CTSV: variants seen among roughly 807,000 people sequenced by gnomAD.
CTSV encodes the protein cathepsin L2.
CTSV carries 33 observed loss-of-function variants against 35.6 expected under a neutral mutation model. The observed-to-expected ratio is 0.93, with a 90% CI of 0.70 to 1.24. CTSV has a LOEUF of 1.24. CTSV is among the 50% of genes most tolerant of loss of function. The pLI is 0.00. For synonymous variants in CTSV, 154 were observed against 147.1 expected (o/e 1.05, Z -0.34); for missense variants, 408 against 413.1 (o/e 0.99, Z 0.11).
Position 97,032,110 on chromosome 9 carries a change from T to C in CTSV, c.*839A>G, listed in dbSNP as rs1828755495. ...CTAAAAAGTCAACTGCTTTCTTCTT[T>C]ACTAAAACAATTTAGGGGCTGGGCG... On this transcript the variant is annotated 3_prime_UTR_variant, in exon 8 of 8. Transcript: ENST00000259470. The C allele has an allele frequency of 6.6e-6, 1 of 152,224 alleles. No homozygotes were observed. The highest frequency in any genetic ancestry group is 1.5e-5 in the Non-Finnish European group (1 of 68,044). 9.4% of individuals were successfully genotyped at this position (152,224 alleles called of 1,614,324 possible).
At chr9:97,035,914 T>C (rs1332690541) in intron 5 of CTSV, among the ~76,000 whole-genome samples, 1 of 152,150 alleles carries the variant, frequency 6.6e-6, no homozygotes, top group East Asian at 1.9e-4. Context: ...CCATAAAAAA[T>C]TTTTCACAAT....
At position 97,030,475 on chromosome 9, in the gene CTSV, G is replaced by A. The variant is rs1156558357; in HGVS notation, c.*2474C>T. 1 of 152,128 alleles carries A rather than the reference G, an allele frequency of 6.6e-6. No homozygotes were observed. The highest frequency in any genetic ancestry group is 1.9e-4 in the East Asian group (1 of 5,196). The allele number at this position is 152,128 out of a possible 1,614,324, so 9.4% of individuals were successfully genotyped here. A position where few individuals can be genotyped will look rare whatever the true frequency, so the allele number is the denominator to read the frequency against. On this transcript the variant is annotated 3_prime_UTR_variant, in exon 8 of 8. Coordinates refer to ENST00000259470, the MANE Select transcript of CTSV (RefSeq NM_001333.4). Reference sequence around the variant, plus strand: ...TTGGTCATGGAGACCCTAACCCAGAGGCGCTAGAGAAATTAAAGACACACA... The same window carrying A: ...TTGGTCATGGAGACCCTAACCCAGAAGCGCTAGAGAAATTAAAGACACACA...
intron 4 of CTSV, 55 bp from the exon 5 acceptor site, chr9:97,036,802 A>T: frequency 7.4e-7 from 1 of 1,356,746 alleles, no homozygotes; most frequent in East Asian, 2.3e-5. Flanking sequence ...CAAATACAGT[A>T]CCCCATAATT....
rs143885421 is a variant in CTSV at position 97,037,754 on chromosome 9, C to T, written c.127-139G>A. The T allele has an allele frequency of 5.7e-6, 8 of 1,409,962 alleles. 1 individual carries two copies. In the African/African-American group the frequency reaches 8.5e-5, roughly 15 times the overall value. 87.3% of individuals were successfully genotyped at this position (1,409,962 alleles called of 1,614,324 possible). On this transcript the variant is annotated intron_variant, in intron 2 of 7. Transcript: ENST00000259470. ...CTTCTCTGGGAGCTGTTCTCCAAGC[C>T]AAGACACAATGGAGATATATGCCCA...
rs931092910 is a variant in CTSV, at chr9:97,031,635, C to T, written c.*1314G>A. On this transcript the variant is annotated 3_prime_UTR_variant, in exon 8 of 8. Transcript: ENST00000259470. Reference sequence around the variant, plus strand: ...TATTTACTACCTGTGTAACTATATGCTTAGCCTTTTTCCCCCCATTTTGAG... The same window carrying T: ...TATTTACTACCTGTGTAACTATATGTTTAGCCTTTTTCCCCCCATTTTGAG... 2 of 152,134 alleles carry T rather than the reference C, an allele frequency of 1.3e-5. No homozygotes were observed. Among genetic ancestry groups the T allele is most frequent in the Non-Finnish European group, 2.9e-5 (2 of 68,034 alleles). 9.4% of individuals were successfully genotyped at this position (152,134 alleles called of 1,614,324 possible). A position where few individuals can be genotyped will look rare whatever the true frequency, so the allele number is the denominator to read the frequency against.
chr9:97,038,170 G>A (rs1828890114), intron 1 of CTSV, 117 bp from the exon 2 acceptor site: 1 of 1,162,318 alleles, frequency 8.6e-7, no homozygotes, highest in Non-Finnish European at 1.2e-6. Context: ...AAGGACTGTG[G>A]AAGAGGCTGA....
chr9:97,039,240 GC>G (rs1828915323), upstream of CTSV: 1 of 152,390 alleles, frequency 6.6e-6, no homozygotes, highest in Non-Finnish European at 1.5e-5. Flanking sequence ...ACTGGGCGGG[GC>G]CCCGGGCGCT....
intron 5 of CTSV, 50 bp downstream of exon 5, chr9:97,036,473 C>G (rs1039855997): frequency 7.6e-7 from 1 of 1,312,500 alleles, no homozygotes; most frequent in African/African-American, 1.5e-5. Flanking sequence ...TGAAAGTGTT[C>G]CACTTTCCAA....
rs947069837 is a variant in CTSV, at chr9:97,037,686, G to C, written c.127-71C>G. ...ACCCATGTTCACCAAGCCGATTTGCGGGCAGAAATGGAAGAGAAACCATGG... is the reference window on the plus strand; with the variant it reads ...ACCCATGTTCACCAAGCCGATTTGCCGGCAGAAATGGAAGAGAAACCATGG... On this transcript the variant is annotated intron_variant, in intron 2 of 7. Transcript: ENST00000259470. 52 of 1,578,370 alleles carry C rather than the reference G, an allele frequency of 3.3e-5. 3 individuals are homozygous for C. The highest frequency in any genetic ancestry group is 3.8e-5 in the Non-Finnish European group (44 of 1,161,886).
chr9:97,035,819 T>A (rs1337334027), intron 5 of CTSV, 126 bp from the exon 6 acceptor site: 2 of 515,022 alleles, frequency 3.9e-6, no homozygotes, highest in Non-Finnish European at 6.2e-6. Flanking sequence ...TTATAAATCG[T>A]CCCATGAAAT....
chr9:97,035,739 C>G, intron 5 of CTSV, 46 bp from the exon 6 acceptor site: 1 of 1,287,496 alleles, frequency 7.8e-7, no homozygotes, highest in Non-Finnish European at 1.0e-6. Flanking sequence ...CCATCTACCT[C>G]CTGGGGAACA....
chr9:97,036,489 G>A (rs775367023), intron 5 of CTSV, 34 bp downstream of exon 5: 1 of 1,496,282 alleles, frequency 6.7e-7, no homozygotes, highest in South Asian at 1.1e-5. Context: ...TCCAAAAGCA[G>A]AGCACGAATG....
At chr9:97,035,391 T>G in intron 6 of CTSV, 137 bp downstream of exon 6, 1 of 604,028 alleles carries the variant, frequency 1.7e-6, no homozygotes, top group Non-Finnish European at 2.5e-6. Flanking sequence ...TTTTCTCATG[T>G]CAAATGCAAA....
At position 97,032,944 on chromosome 9, in the gene CTSV, T is replaced by C; in HGVS notation, c.*5A>G. ...TTAAGTCCTTCCTCCTCACCATCCATCAGCTCACACATTGGGGTAGCTGGC... is the reference window on the plus strand; with the variant it reads ...TTAAGTCCTTCCTCCTCACCATCCACCAGCTCACACATTGGGGTAGCTGGC... On this transcript the variant is annotated 3_prime_UTR_variant, in exon 8 of 8. Transcript: ENST00000259470. The C allele has an allele frequency of 6.2e-7, 1 of 1,604,374 alleles. No homozygotes were observed. Among genetic ancestry groups the C allele is most frequent in the Non-Finnish European group, 8.5e-7 (1 of 1,174,862 alleles).
At position 97,036,616 on chromosome 9, in the gene CTSV, C is replaced by A; in HGVS notation, c.528G>T (p.Gln176His). ...TAGCCATGAAGCCACCATTGCAGCC[C>A]TGATTGCCTTGAGGACGCGAACAGT... ...LVDCSRPQGN[Q>H]GCNGGFMARA... The change falls in exon 5 of 8, where the codon CAG becomes CAT. Residue 176 changes from glutamine to histidine, a missense_variant. Transcript: ENST00000259470. 1 of 1,614,046 alleles carries A rather than the reference C, an allele frequency of 6.2e-7. No individual in the cohort carries two copies. The highest frequency in any genetic ancestry group is 8.5e-7 in the Non-Finnish European group (1 of 1,180,026).
chr9:97,034,310 GCATCCAATGACAATAGAAGGATGC>G (rs1360290075), intron 7 of CTSV, among the ~76,000 whole-genome samples: 1 of 152,120 alleles, frequency 6.6e-6, no homozygotes, highest in Non-Finnish European at 1.5e-5. Context: ...CGATGACAGG[GCATCCAATGACAATAGAAGGATGC>G]ACACAGACCA....
At chr9:97,033,084 A>T (rs759509224) in intron 7 of CTSV, 36 bp from the exon 8 acceptor site, 38 of 1,446,134 alleles carry the variant, frequency 2.6e-5, no homozygotes, top group Non-Finnish European at 3.5e-5. Flanking sequence ...TTATACAAGG[A>T]ATCAAGGGAA....
chr9:97,037,629 T>C lies in CTSV; in HGVS notation c.127-14A>G, dbSNP rs1236020927. 5 of 1,613,204 alleles carry C rather than the reference T, an allele frequency of 3.1e-6. No individual in the cohort carries two copies. Among genetic ancestry groups the C allele is most frequent in the Admixed American group, 3.3e-5 (2 of 59,914 alleles). ...TCCTTCTTCATTCTAGAGGCAAACA[T>C]ATAGCTGGTGGACTTTATGTCTACT... On this transcript the variant is annotated splice_polypyrimidine_tract_variant and intron_variant, in intron 2 of 7. Transcript: ENST00000259470.
At position 97,036,620 on chromosome 9, in the gene CTSV, T is replaced by A. The variant is rs554069839; in HGVS notation, c.524A>T (p.Asn175Ile). ...NLVDCSRPQG[N>I]QGCNGGFMAR... ...CATGAAGCCACCATTGCAGCCCTGA[T>A]TGCCTTGAGGACGCGAACAGTCCAC... Residue 175 changes from asparagine to isoleucine, a missense_variant, in exon 5 of 8, where the codon AAT becomes ATT. Coordinates refer to ENST00000259470, the MANE Select transcript of CTSV (RefSeq NM_001333.4). 4 of 1,614,026 alleles carry A rather than the reference T, an allele frequency of 2.5e-6. No individual in the cohort carries two copies. The South Asian group carries it at 4.4e-5, about 18-fold the overall frequency.
Sources: gnomAD v4.1 joint callset for allele counts (sites outside exome capture counted in the v4.1 genomes callset) on GRCh38, gnomAD v4.1.1 for gene constraint, MANE v1.5 for transcripts, NCBI Gene and HGNC (gene_info 2026-07-23, HGNC 2026-07-21) for gene names.